BIVM: variants seen among roughly 807,000 people sequenced by gnomAD.
The protein encoded by BIVM is basic immunoglobulin-like variable motif-containing protein.
Under a neutral mutation model 61.4 loss-of-function variants are expected in BIVM, and 31 were observed. The observed-to-expected ratio is 0.51, with a 90% CI of 0.38 to 0.68. The LOEUF (loss-of-function observed/expected upper bound fraction) is 0.68. Ranked by LOEUF, BIVM falls within the 30% of genes least tolerant of loss-of-function variation. The probability of loss-of-function intolerance (pLI) is 0.00; values close to 1 mark genes in which losing one functional copy is unlikely to be tolerated. For synonymous variants in BIVM, 189 were observed against 210.7 expected, an observed-to-expected ratio of 0.90 and a Z score of 0.89; for missense variants, 526 against 596.0, an observed-to-expected ratio of 0.88 and a Z score of 1.22.
Position 102,807,713 on chromosome 13 carries a change from A to T in BIVM, c.446A>T (p.Asp149Val). The T allele has an allele frequency of 3.7e-6, 6 of 1,613,082 alleles. No homozygotes were observed. Among genetic ancestry groups the T allele is most frequent in the Non-Finnish European group, 4.2e-6 (5 of 1,179,498 alleles). The stretch of plus-strand genomic sequence containing the variant: ...TGGGAAATTGATAAATCTGAATTTG[A>T]TGGGGTGACCACAAATTCGAAACAC... ...LAWEIDKSEF[D>V]GVTTNSKHKS... is the part of the protein sequence containing the mutation. Residue 149 changes from aspartate (D) to valine (V), a missense_variant, in exon 3 of 11, where the codon GAT (aspartate) becomes GTT (valine). Transcript: ENST00000257336. This position sits in a 1 kb window ranked among gnomAD's most constrained non-coding sequence, Gnocchi z 4.0.
At chr13:102,836,582 G>A (rs1271463410) in intron 9 of BIVM, among the ~76,000 whole-genome samples, 1 of 152,222 alleles carries the variant, frequency 6.6e-6, no homozygotes, top group African/African-American at 2.4e-5. Flanking sequence ...CCAAAGGGCC[G>A]GGATTACAGA....
intron 7 of BIVM, among the ~76,000 whole-genome samples, chr13:102,831,203 C>A (rs1012039833): frequency 1.3e-5 from 2 of 152,118 alleles, no homozygotes; most frequent in Non-Finnish European, 2.9e-5. Context: ...TAACATTGGG[C>A]ATGCTTGTTC....
intron 4 of BIVM, among the ~76,000 whole-genome samples, chr13:102,817,289 A>G (rs1385283098): frequency 6.6e-6 from 1 of 152,220 alleles, no homozygotes; most frequent in Non-Finnish European, 1.5e-5. Context: ...TTCCTAAATT[A>G]TGCATCTAAC....
chr13:102,814,604 G>C (rs1343537405), intron 3 of BIVM, among the ~76,000 whole-genome samples: 2 of 152,260 alleles, frequency 1.3e-5, no homozygotes, highest in Non-Finnish European at 2.9e-5. Context: ...AGAAATGTTA[G>C]AAACTAATTC....
In BIVM at chr13:102,825,011, T is replaced by C. The variant is rs149508562; in HGVS notation, c.901+2852T>C. 1.9e-3 allele frequency among the ~76,000 whole-genome samples: 287 copies of C among 152,198 alleles called. 6 individuals carry two copies. In the East Asian group the frequency reaches 0.032, roughly 17 times the overall value. On this transcript the variant is annotated intron_variant, in intron 7 of 10. Transcript: ENST00000257336. ...AGGCTGGAGTTCAGTGGCGCGATCT[T>C]GGCTCACTGCAAGCTCCACCTGCTG...
At chr13:102,822,437 G>GGT (rs1222547519) in intron 7 of BIVM, among the ~76,000 whole-genome samples, 2 of 151,914 alleles carry the variant, frequency 1.3e-5, no homozygotes, top group Non-Finnish European at 2.9e-5. Context: ...TTGGGTCCGT[G>GGT]GTGTGTGTGT....
intron 9 of BIVM, among the ~76,000 whole-genome samples, chr13:102,837,044 T>A (rs1001773380): frequency 3.9e-5 from 6 of 152,090 alleles, no homozygotes; most frequent in African/African-American, 1.4e-4. Flanking sequence ...TCCCAGCGCT[T>A]AGGTGGGAGG....
chr13:102,826,163 C>G (rs2140485175), intron 7 of BIVM, among the ~76,000 whole-genome samples: 1 of 152,302 alleles, frequency 6.6e-6, no homozygotes, highest in South Asian at 2.1e-4. Flanking sequence ...CAAGAGCTCT[C>G]TCTTGTGATG....
At chr13:102,834,125 G>A (rs1227312030) in intron 8 of BIVM, among the ~76,000 whole-genome samples, 1 of 152,190 alleles carries the variant, frequency 6.6e-6, no homozygotes, top group Non-Finnish European at 1.5e-5. Context: ...TTTTTAGGAT[G>A]CGTTTTGAGA....
Position 102,807,446 on chromosome 13 carries a change from C to G in BIVM, c.179C>G (p.Thr60Ser), listed in dbSNP as rs1303556811. 1.9e-6 allele frequency: 3 copies of G among 1,614,190 alleles called. No homozygotes were observed. The highest frequency in any genetic ancestry group is 4.5e-5 in the East Asian group (2 of 44,884). Residue 60 changes from threonine to serine, a missense_variant, in exon 3 of 11, where the codon ACT becomes AGT. Physicochemically the swap from Thr to Ser is moderately conservative, Grantham distance 58 (BLOSUM62 1). Transcript: ENST00000257336. The surrounding 1 kb of genome is among the most constrained non-coding windows in gnomAD (Gnocchi z 4.0). ...CATTATCCATGGAGTTGTCCAGTGACTCATACACGGGAAAAAATTTATGCC... is the reference window on the plus strand; with the variant it reads ...CATTATCCATGGAGTTGTCCAGTGAGTCATACACGGGAAAAAATTTATGCC... ...DGHYPWSCPV[T>S]HTREKIYAIC...
chr13:102,813,785 A>G (rs1356859385), intron 3 of BIVM, among the ~76,000 whole-genome samples: 2 of 152,104 alleles, frequency 1.3e-5, no homozygotes, highest in African/African-American at 2.4e-5. Context: ...TACAGCTCCA[A>G]CCATCTCAGT....
chr13:102,816,332 G>T, intron 3 of BIVM, 96 bp from the exon 4 acceptor site: 1 of 1,197,858 alleles, frequency 8.3e-7, no homozygotes, highest in South Asian at 1.8e-5. Context: ...GAATTATTAA[G>T]GCAGTTACTT....
rs373506640 is a variant in BIVM at position 102,828,108 on chromosome 13, TG to T, written c.902-3454del. On this transcript the variant is annotated intron_variant, in intron 7 of 10. Coordinates refer to ENST00000257336, the MANE Select transcript of BIVM (RefSeq NM_017693.4). Reference sequence around the variant, plus strand: ...GGGACTCCCCGGTGCTTATGTCCAGTGGGCTCTTAGTAACTGTAAACTAAGC... The same window carrying T: ...GGGACTCCCCGGTGCTTATGTCCAGTGGCTCTTAGTAACTGTAAACTAAGC... Among the ~76,000 whole-genome samples, 13 of 152,242 alleles carry T rather than the reference TG, an allele frequency of 8.5e-5. 1 individual carries two copies. Among genetic ancestry groups the T allele is most frequent in the African/African-American group, 2.9e-4 (12 of 41,458 alleles).
chr13:102,821,385 A>G (rs1447260721), intron 5 of BIVM, among the ~76,000 whole-genome samples: 2 of 152,116 alleles, frequency 1.3e-5, no homozygotes, highest in Middle Eastern at 3.2e-3. Context: ...CTTGAAGCCA[A>G]GGAGTTTGAG....
intron 3 of BIVM, among the ~76,000 whole-genome samples, chr13:102,811,703 A>G (rs1879507939): frequency 6.6e-6 from 1 of 151,756 alleles, no homozygotes; most frequent in Non-Finnish European, 1.5e-5. Flanking sequence ...TTGTATTTTT[A>G]GTAGAGACGG....
intron 8 of BIVM, 101 bp downstream of exon 8, chr13:102,831,798 G>C: frequency 5.9e-6 from 8 of 1,348,230 alleles, no homozygotes; most frequent in Non-Finnish European, 8.0e-6. Context: ...GGGAGGCCGA[G>C]GTGGGCGGAT....
chr13:102,807,298 A>G lies in BIVM; in HGVS notation c.31A>G (p.Asn11Asp), dbSNP rs1162881650. Residue 11 changes from asparagine (N) to aspartate (D), a missense_variant, in exon 3 of 11, where the codon AAT becomes GAT. Physicochemically the swap from Asn to Asp is conservative, Grantham distance 23. Transcript: ENST00000257336. The surrounding 1 kb of genome is among the most constrained non-coding windows in gnomAD (Gnocchi z 4.0). The part of the protein sequence containing the change: MPNVAETERS[N>D]DSGNGEHKSE... The stretch of plus-strand genomic sequence containing the variant: ...TAACGTTGCAGAAACAGAAAGGTCA[A>G]ATGATTCTGGAAATGGTGAGCACAA... The G allele has an allele frequency of 1.2e-6, 2 of 1,611,558 alleles. No homozygotes were observed. Among genetic ancestry groups the G allele is most frequent in the South Asian group, 1.1e-5 (1 of 90,978 alleles).
At chr13:102,834,229 T>C (rs1881310442) in intron 8 of BIVM, among the ~76,000 whole-genome samples, 1 of 152,192 alleles carries the variant, frequency 6.6e-6, no homozygotes, top group Admixed American at 6.5e-5. Context: ...AGAGGTGGTA[T>C]ATTAAAACAT....
chr13:102,824,039 G>C lies in BIVM; in HGVS notation c.901+1880G>C, dbSNP rs145620399. On this transcript the variant is annotated intron_variant, in intron 7 of 10. Transcript: ENST00000257336. ...TTGAATGTTTACTTCCACAGGATGT[G>C]CCAAACCTTTTTCTGGTCCAAAAGA... Among the ~76,000 whole-genome samples the C allele has an allele frequency of 4.6e-5, 7 of 152,306 alleles. No homozygotes were observed. The East Asian group carries it at 1.3e-3, about 29-fold the overall frequency.
Sources: allele counts gnomAD v4.1 joint callset (sites outside exome capture counted in the v4.1 genomes callset), GRCh38; gene constraint gnomAD v4.1.1; non-coding constraint Gnocchi (gnomAD v3.1); transcripts MANE v1.5; gene names NCBI Gene and HGNC (gene_info 2026-07-23, HGNC 2026-07-21).